Variants in IRAG2 observed in about 807,000 individuals in gnomAD.
IRAG2 encodes the protein inositol 1,4,5-triphosphate receptor associated 2, also known as lymphoid restricted membrane protein.
Under a neutral mutation model 69.9 loss-of-function variants are expected in IRAG2, and 45 were observed. The observed-to-expected ratio is 0.64, with a 90% CI of 0.51 to 0.83. The LOEUF (loss-of-function observed/expected upper bound fraction) is 0.83. Among genes scored for constraint, IRAG2 ranks in the 40% least tolerant of loss-of-function variants. The pLI is 0.00. For synonymous variants in IRAG2, 193 were observed against 202.4 expected (o/e 0.95, Z 0.40); for missense variants, 520 against 587.0 (o/e 0.89, Z 1.18).
At chr12:25,102,701 C>T (rs1348373211) in intron 17 of IRAG2, 1 of 156,594 alleles carries the variant, frequency 6.4e-6, no homozygotes, top group Non-Finnish European at 1.4e-5. Flanking sequence ...CCTGTAAAGA[C>T]ACCCCCTAGA....
chr12:25,066,022 G>A (rs1020768281), intron 4 of IRAG2, among the ~76,000 whole-genome samples: 1 of 152,152 alleles, frequency 6.6e-6, no homozygotes, highest in African/African-American at 2.4e-5. Flanking sequence ...CCCGCTGGCT[G>A]TAGATTGTTA....
intron 21 of IRAG2, 123 bp downstream of exon 21, chr12:25,107,173 A>G (rs771314675): frequency 5.1e-5 from 23 of 452,520 alleles, no homozygotes; most frequent in Middle Eastern, 4.4e-4. Context: ...TTTAAGATGA[A>G]TAACAAACTT....
At chr12:24,999,827 A>G (rs970048320), upstream of IRAG2, among the ~76,000 whole-genome samples, 7 of 152,180 alleles carry the variant, frequency 4.6e-5, no homozygotes, top group Middle Eastern at 3.4e-3. Flanking sequence ...CTAAAAAAAA[A>G]AAAAATACAA....
intron 14 of IRAG2, among the ~76,000 whole-genome samples, chr12:25,094,818 TTTTA>T (rs368518623): frequency 3.9e-5 from 6 of 152,184 alleles, no homozygotes; most frequent in African/African-American, 1.4e-4. Context: ...TTCCTCAGTA[TTTTA>T]TTCATTTTGA....
exon 1 of IRAG2, chr12:25,004,364 C>G: frequency 8.1e-7 from 1 of 1,232,106 alleles, no homozygotes; most frequent in Non-Finnish European, 1.0e-6. Context: ...AGGAAGGTAA[C>G]TGAGAAGCGG....
chr12:25,071,543 T>A (rs1946339039), intron 6 of IRAG2, among the ~76,000 whole-genome samples: 1 of 152,204 alleles, frequency 6.6e-6, no homozygotes, highest in East Asian at 1.9e-4. Flanking sequence ...TGCCAGGAAC[T>A]TTGTACAAAA....
At chr12:25,014,917 T>C (rs1591924656) in intron 3 of IRAG2, among the ~76,000 whole-genome samples, 1 of 151,262 alleles carries the variant, frequency 6.6e-6, no homozygotes, top group South Asian at 2.1e-4. Context: ...ATGGTGGAGG[T>C]AATGCCTAAT....
intron 7 of IRAG2, 37 bp from the exon 8 acceptor site, chr12:25,079,361 C>G (rs2093277981): frequency 3.7e-6 from 6 of 1,606,568 alleles, no homozygotes; most frequent in East Asian, 2.2e-5. Context: ...TTATTTGGAC[C>G]TGACATTCCA....
At chr12:25,071,792 A>T (rs978901100) in intron 6 of IRAG2, among the ~76,000 whole-genome samples, 3 of 144,324 alleles carry the variant, frequency 2.1e-5, no homozygotes, top group East Asian at 2.0e-4. Context: ...CCTTGAAAGT[A>T]TTTTTTTTTT....
rs78994699 is a variant in IRAG2, at chr12:25,047,248, A to G, written c.2145-4987A>G. 8.5e-4 allele frequency among the ~76,000 whole-genome samples: 130 copies of G among 152,324 alleles called. 1 individual carries two copies. The East Asian group carries it at 0.024, about 28-fold the overall frequency. ...AAGAAAACATGGGGGAAAGCTTCATAACATTGGTCTTGGCAAGATTTCTTG... is the reference window on the plus strand; with the variant it reads ...AAGAAAACATGGGGGAAAGCTTCATGACATTGGTCTTGGCAAGATTTCTTG... On this transcript the variant is annotated intron_variant, in intron 16 of 38. Coordinates refer to the IRAG2 transcript ENST00000636465.
intron 17 of IRAG2, chr12:25,103,173 T>C (rs1410754846): frequency 1.3e-5 from 2 of 152,232 alleles, no homozygotes; most frequent in Non-Finnish European, 2.9e-5. Context: ...TATCCTGATG[T>C]ACTTATTTAA....
Position 25,108,033 on chromosome 12 carries a change from C to A in IRAG2, c.1473C>A (p.Leu491=), listed in dbSNP as rs1290984628. 1.2e-6 allele frequency: 2 copies of A among 1,613,890 alleles called. No individual in the cohort carries two copies. Among genetic ancestry groups the A allele is most frequent in the Middle Eastern group, 1.6e-4 (1 of 6,082 alleles). The change falls in exon 22 of 22, where the codon CTC becomes CTA. Residue 491 remains leucine (L), a synonymous_variant. Transcript: ENST00000556887. ...ATATCTTGTGGCCATTTACCAGACT[C>A]CGACACAATGGGCCACCACCAGTGT... ...LEHILWPFTR[L]RHNGPPPV
chr12:25,014,099 T>A (rs1944501494), intron 3 of IRAG2, among the ~76,000 whole-genome samples: 1 of 151,748 alleles, frequency 6.6e-6, no homozygotes, highest in Non-Finnish European at 1.5e-5. Flanking sequence ...ATGGTCTCGA[T>A]CTCCTGACCT....
exon 1 of IRAG2, chr12:25,004,566 T>C (rs984888541): frequency 2.3e-5 from 28 of 1,232,010 alleles, no homozygotes; most frequent in Non-Finnish European, 2.7e-5. Flanking sequence ...CCGGCTCTCA[T>C]TGGTCAAGTT....
At chr12:25,003,962 TCTGA>T (rs1944411769), upstream of IRAG2, among the ~76,000 whole-genome samples, 1 of 152,206 alleles carries the variant, frequency 6.6e-6, no homozygotes. Context: ...TGCGTTAGAA[TCTGA>T]GCTGTGGCAT....
chr12:25,003,803 A>T (rs1013475231), upstream of IRAG2, among the ~76,000 whole-genome samples: 1 of 152,192 alleles, frequency 6.6e-6, no homozygotes, highest in African/African-American at 2.4e-5. Context: ...AACACCTAAT[A>T]TGGGGCATAT....
intron 6 of IRAG2, among the ~76,000 whole-genome samples, chr12:25,077,368 A>ATATGATATATATG (rs1946878206): frequency 7.9e-6 from 1 of 126,242 alleles, no homozygotes; most frequent in African/African-American, 3.4e-5. Context: ...TATGATATAT[A>ATATGATATATATG]TGAAATATAT....
intron 8 of IRAG2, among the ~76,000 whole-genome samples, chr12:25,026,552 A>G (rs1230458322): frequency 2.0e-5 from 3 of 152,148 alleles, no homozygotes; most frequent in Non-Finnish European, 4.4e-5. Flanking sequence ...GTAATCTGGA[A>G]AGCCAAGAGG....
At chr12:25,065,594 T>G (rs10842455) in intron 4 of IRAG2, among the ~76,000 whole-genome samples, 52,834 of 152,176 alleles carry the variant, frequency 0.35, 9,644 homozygotes, top group East Asian at 0.67. Context: ...ATATTTTAGT[T>G]TCTGCTGTAA....
Sources: gnomAD v4.1 joint callset for allele counts (sites outside exome capture counted in the v4.1 genomes callset) on GRCh38, gnomAD v4.1.1 for gene constraint, MANE v1.5 for transcripts, NCBI Gene and HGNC (gene_info 2026-07-23, HGNC 2026-07-21) for gene names.